Variants in SGCD observed in about 807,000 individuals in gnomAD.
SGCD encodes the protein delta-sarcoglycan.
Under a neutral mutation model 36.6 loss-of-function variants are expected in SGCD, and 18 were observed. The ratio of observed to expected loss-of-function variants is 0.49; its 90% CI spans 0.34 to 0.73. The LOEUF is 0.73. Among genes scored for constraint, SGCD ranks in the 30% least tolerant of loss-of-function variants. SGCD has a pLI of 0.01. For synonymous variants in SGCD, 133 were observed against 130.6 expected, an observed-to-expected ratio of 1.02 and a Z score of -0.12; for missense variants, 387 against 346.7, an observed-to-expected ratio of 1.12 and a Z score of -0.92.
chr5:156,126,240 A>T (rs1762169894), intron 3 of SGCD, among the ~76,000 whole-genome samples: 1 of 152,088 alleles, frequency 6.6e-6, no homozygotes. Flanking sequence ...CTTGTCCTCA[A>T]ATACGTAGAG....
intron 2 of SGCD, among the ~76,000 whole-genome samples, chr5:156,118,607 A>G (rs1369675307): frequency 6.6e-6 from 1 of 152,194 alleles, no homozygotes; most frequent in Non-Finnish European, 1.5e-5. Flanking sequence ...TTAACTAGCC[A>G]AGAAGGCTAT....
chr5:156,075,348 T>A, intron 1 of SGCD, among the ~76,000 whole-genome samples: 1 of 150,814 alleles, frequency 6.6e-6, no homozygotes. Flanking sequence ...CTTAAAAGAG[T>A]AAAAAAGAAA....
intron 3 of SGCD, among the ~76,000 whole-genome samples, chr5:156,447,259 A>G (rs1018697108): frequency 1.3e-5 from 2 of 152,244 alleles, no homozygotes; most frequent in African/African-American, 4.8e-5. Flanking sequence ...CTGTACAGAT[A>G]GAACCATATA....
intron 3 of SGCD, among the ~76,000 whole-genome samples, chr5:156,418,168 T>G (rs1773139471): frequency 6.6e-6 from 1 of 152,110 alleles, no homozygotes; most frequent in Non-Finnish European, 1.5e-5. Context: ...ATCCTGGAGG[T>G]CTTCGGACTC....
chr5:155,853,910 T>G, the SGCD span, among the ~76,000 whole-genome samples: 1 of 152,208 alleles, frequency 6.6e-6, no homozygotes, highest in African/African-American at 2.4e-5. Context: ...TGTTGATGGC[T>G]TGTTGAAATT....
chr5:156,737,182 T>C (rs1756417586), intron 7 of SGCD, among the ~76,000 whole-genome samples: 1 of 152,238 alleles, frequency 6.6e-6, no homozygotes, highest in Non-Finnish European at 1.5e-5. Flanking sequence ...TTTTAGCTGA[T>C]TACAATGTAC....
At chr5:156,427,346 C>T (rs78411736) in intron 3 of SGCD, among the ~76,000 whole-genome samples, 2,069 of 151,648 alleles carry the variant, frequency 0.014, 22 homozygotes, top group Non-Finnish European at 0.023. Flanking sequence ...TCAGCTTTGT[C>T]GTTGTTGGTG....
At chr5:156,254,915 C>T (rs1299146382) in intron 3 of SGCD, among the ~76,000 whole-genome samples, 2 of 152,102 alleles carry the variant, frequency 1.3e-5, no homozygotes, top group Non-Finnish European at 1.5e-5. Context: ...ACAGATTGAG[C>T]ATCCCCAGTC....
intron 3 of SGCD, among the ~76,000 whole-genome samples, chr5:156,262,552 C>T (rs1765895116): frequency 1.3e-5 from 2 of 151,634 alleles, no homozygotes; most frequent in South Asian, 4.1e-4. Context: ...TTTTTATTTC[C>T]ATAGGTTTTT....
intron 4 of SGCD, among the ~76,000 whole-genome samples, chr5:156,553,658 T>C (rs1255634780): frequency 2.0e-5 from 3 of 152,202 alleles, no homozygotes; most frequent in African/African-American, 7.2e-5. Context: ...TAATCTGCTG[T>C]CTATCTCTAT....
At chr5:156,068,999 G>A (rs1210550467) in intron 1 of SGCD, among the ~76,000 whole-genome samples, 7 of 152,042 alleles carry the variant, frequency 4.6e-5, no homozygotes, top group Admixed American at 4.6e-4. Flanking sequence ...ATTTGTTTGA[G>A]TTCATTGTAG....
intron 4 of SGCD, among the ~76,000 whole-genome samples, chr5:156,578,923 T>G (rs1001782287): frequency 6.6e-6 from 1 of 152,244 alleles, no homozygotes; most frequent in Admixed American, 6.5e-5. Context: ...CCTTCAGTTC[T>G]GCTCTGATCT....
intron 3 of SGCD, among the ~76,000 whole-genome samples, chr5:156,186,576 ATTCTCTGC>A (rs1339859770): frequency 6.6e-6 from 1 of 152,176 alleles, no homozygotes; most frequent in Non-Finnish European, 1.5e-5. Flanking sequence ...CTCCTGAGGC[ATTCTCTGC>A]TTAGCTGCTT....
At chr5:155,993,380 A>G (rs1417057433) in intron 1 of SGCD, among the ~76,000 whole-genome samples, 1 of 132,580 alleles carries the variant, frequency 7.5e-6, no homozygotes, top group Non-Finnish European at 1.6e-5. Context: ...TTGCTCTGAC[A>G]CCCACCCAGG....
chr5:156,255,568 G>A (rs1159032904), intron 3 of SGCD, among the ~76,000 whole-genome samples: 2 of 152,100 alleles, frequency 1.3e-5, no homozygotes, highest in African/African-American at 4.8e-5. Flanking sequence ...GGGGGAAGGA[G>A]TTTCCTTGAG....
intron 7 of SGCD, among the ~76,000 whole-genome samples, chr5:156,672,442 C>T (rs958136763): frequency 1.3e-5 from 2 of 152,048 alleles, no homozygotes; most frequent in Non-Finnish European, 2.9e-5. Flanking sequence ...GAGTGCAGCC[C>T]CACCAGATGC....
At chr5:155,888,885 T>TTCAC in intron 1 of SGCD, among the ~76,000 whole-genome samples, 1 of 152,194 alleles carries the variant, frequency 6.6e-6, no homozygotes, top group Non-Finnish European at 1.5e-5. Context: ...GTCCACATCC[T>TTCAC]TCACTTCTAT....
the SGCD span, among the ~76,000 whole-genome samples, chr5:155,744,046 G>A: frequency 6.6e-6 from 1 of 152,088 alleles, no homozygotes; most frequent in African/African-American, 2.4e-5. Context: ...AATTAAAGAT[G>A]ACAAAAATAC....
At chr5:156,005,900 G>A (rs2127569309) in intron 1 of SGCD, among the ~76,000 whole-genome samples, 1 of 152,314 alleles carries the variant, frequency 6.6e-6, no homozygotes, top group East Asian at 1.9e-4. Context: ...GATGGCACAA[G>A]CAGTGTTTTA....
Sources: allele counts gnomAD v4.1 joint callset (sites outside exome capture counted in the v4.1 genomes callset), GRCh38; gene constraint gnomAD v4.1.1; transcripts MANE v1.5; gene names NCBI Gene and HGNC (gene_info 2026-07-23, HGNC 2026-07-21).